SCUBE1: variants seen among roughly 807,000 people sequenced by gnomAD.
SCUBE1 encodes signal peptide, CUB domain and EGF like domain containing 1, also known as signal peptide, CUB and EGF-like domain-containing protein 1.
SCUBE1 carries 59 observed loss-of-function variants against 124.4 expected under a neutral mutation model. The ratio of observed to expected loss-of-function variants is 0.47; its 90% CI spans 0.38 to 0.59. The LOEUF (loss-of-function observed/expected upper bound fraction) is 0.59, where lower values mean the gene tolerates loss of function less well. Ranked by LOEUF, SCUBE1 falls within the 20% of genes least tolerant of loss-of-function variation. The probability of loss-of-function intolerance (pLI) is 0.00; values close to 1 mark genes in which losing one functional copy is unlikely to be tolerated. For missense variants in SCUBE1, 1,150 were observed against 1,371.2 expected, an observed-to-expected ratio of 0.84 and a Z score of 2.55; for synonymous variants, 545 against 550.9, an observed-to-expected ratio of 0.99 and a Z score of 0.15.
At chr22:43,335,270 G>C (rs1431189083) in intron 2 of SCUBE1, among the ~76,000 whole-genome samples, 6 of 152,184 alleles carry the variant, frequency 3.9e-5, no homozygotes, top group Non-Finnish European at 7.3e-5. Flanking sequence ...GGGATCTGAT[G>C]GTTCTCCGTG....
chr22:43,336,737 T>C (rs1365412629), intron 2 of SCUBE1, among the ~76,000 whole-genome samples: 1 of 152,146 alleles, frequency 6.6e-6, no homozygotes, highest in Admixed American at 6.5e-5. Context: ...CCCATTGCAG[T>C]CTAGCATGCA....
At chr22:43,268,234 A>C (rs920703680) in intron 4 of SCUBE1, among the ~76,000 whole-genome samples, 1 of 152,142 alleles carries the variant, frequency 6.6e-6, no homozygotes, top group Non-Finnish European at 1.5e-5. Context: ...CCCAGTTCAA[A>C]CTCCGTCCTC....
Position 43,199,133 on chromosome 22 carries a change from C to T in SCUBE1, c.*4864G>A. 2 of 255,206 alleles carry T rather than the reference C, an allele frequency of 7.8e-6. No individual in the cohort carries two copies. Among genetic ancestry groups the T allele is most frequent in the South Asian group, 8.8e-5 (2 of 22,848 alleles). The allele number at this position is 255,206 out of a possible 1,614,324, so 15.8% of individuals were successfully genotyped here. A position where few individuals can be genotyped will look rare whatever the true frequency, so the allele number is the denominator to read the frequency against. Reference sequence around the variant, plus strand: ...GTTTGTCATCTGTGCAGGGCACCAACTCCCTGTCTTTCTAGGAGCCTGGCA... The same window carrying T: ...GTTTGTCATCTGTGCAGGGCACCAATTCCCTGTCTTTCTAGGAGCCTGGCA... On this transcript the variant is annotated 3_prime_UTR_variant, in exon 22 of 22. Transcript: ENST00000360835.
At chr22:43,308,498 G>A (rs898592965) in intron 3 of SCUBE1, among the ~76,000 whole-genome samples, 1 of 152,176 alleles carries the variant, frequency 6.6e-6, no homozygotes, top group African/African-American at 2.4e-5. Context: ...ATGTATTTGA[G>A]CTGTTGAAGT....
chr22:43,214,003 G>T, intron 16 of SCUBE1, 87 bp downstream of exon 16: 1 of 1,284,782 alleles, frequency 7.8e-7, no homozygotes. Flanking sequence ...CCAGGCACCT[G>T]GGCCTTCGAC....
At position 43,204,031 on chromosome 22, in the gene SCUBE1, G is replaced by C. The variant is rs1445800577; in HGVS notation, c.2933C>G (p.Ser978Cys). ...GGGCCGCAGGAACCGAGACACTTTG[G>C]AGCGCAGCAGTTTGATGAAGGACCG... is the stretch of plus-strand genomic sequence containing the variant. ...FPRSFIKLLR[S>C]KVSRFLRPYK The change falls in exon 22 of 22, where the codon TCC becomes TGC. Residue 978 changes from serine to cysteine, a missense_variant. By Grantham distance (112) the Ser-to-Cys change is moderately radical. Transcript: ENST00000360835. 6.2e-7 allele frequency: 1 copy of C among 1,614,084 alleles called. No individual in the cohort carries two copies. The highest frequency in any genetic ancestry group is 1.3e-5 in the African/African-American group (1 of 74,946).
intron 3 of SCUBE1, among the ~76,000 whole-genome samples, chr22:43,300,943 C>T (rs1485739972): frequency 6.6e-6 from 1 of 152,196 alleles, no homozygotes. Context: ...GCGTGACAGA[C>T]TTCATGGGCC....
intron 7 of SCUBE1, among the ~76,000 whole-genome samples, chr22:43,237,163 T>C (rs1922802578): frequency 6.6e-6 from 1 of 152,128 alleles, no homozygotes; most frequent in African/African-American, 2.4e-5. Context: ...AGCGCCACCC[T>C]ACCCTCAGAG....
Position 43,238,480 on chromosome 22 carries a change from G to A in SCUBE1, c.844+358C>T, listed in dbSNP as rs1035851627. ...TTCGGAAACGCGCTACATTCTACGC[G>A]CCTTGGGAAGCCACACTATCACTGA... On this transcript the variant is annotated intron_variant, in intron 7 of 21. Coordinates refer to ENST00000360835, the MANE Select transcript of SCUBE1 (RefSeq NM_173050.5). 3.0e-5 allele frequency: 17 copies of A among 570,634 alleles called. No individual in the cohort carries two copies. The Middle Eastern group carries it at 1.8e-3, about 61-fold the overall frequency. The allele number at this position is 570,634 out of a possible 1,614,324, so 35.3% of individuals were successfully genotyped here. A position where few individuals can be genotyped will look rare whatever the true frequency, so the allele number is the denominator to read the frequency against.
chr22:43,255,695 C>T lies in SCUBE1; in HGVS notation c.727+2524G>A. ...CGCAAAGCCAACACAACACGCCGGC[C>T]AGCTCGGCATCCTCGCCAAGGGGCT... On this transcript the variant is annotated intron_variant, in intron 6 of 21. Transcript: ENST00000360835. This position sits in a 1 kb window ranked among gnomAD's most constrained non-coding sequence, Gnocchi z 4.7. 1 of 844,888 alleles carries T rather than the reference C, an allele frequency of 1.2e-6. No individual in the cohort carries two copies. Among genetic ancestry groups the T allele is most frequent in the Non-Finnish European group, 1.9e-6 (1 of 524,016 alleles). 52.3% of individuals were successfully genotyped at this position (844,888 alleles called of 1,614,324 possible). A position where few individuals can be genotyped will look rare whatever the true frequency, so the allele number is the denominator to read the frequency against.
intron 4 of SCUBE1, among the ~76,000 whole-genome samples, chr22:43,281,456 C>CCCTCTTTGGCCACCCTCCTGTCACCTCCT (rs1555886003): frequency 8.7e-5 from 5 of 57,260 alleles, no homozygotes; most frequent in African/African-American, 6.0e-4. Context: ...CCTGTCATCT[C>CCCTCTTTGGCCACCCTCCTGTCACCTCCT]CCTCAGCCAC....
At chr22:43,222,388 A>C (rs540551267) in intron 12 of SCUBE1, among the ~76,000 whole-genome samples, 4 of 151,948 alleles carry the variant, frequency 2.6e-5, no homozygotes, top group Non-Finnish European at 5.9e-5. Context: ...TCCCTGAACC[A>C]CTCTGGCTGT....
chr22:43,255,927 AG>A lies in SCUBE1; in HGVS notation c.727+2291del, dbSNP rs916871054. On this transcript the variant is annotated intron_variant, in intron 6 of 21. Coordinates refer to ENST00000360835, the MANE Select transcript of SCUBE1 (RefSeq NM_173050.5). The surrounding 1 kb of genome is among the most constrained non-coding windows in gnomAD (Gnocchi z 4.7). The stretch of plus-strand genomic sequence containing the variant: ...TCCGCAGAGAGCCACAGAAGCAGAA[AG>A]CACCACCATGGTGCTTTACGGAGAC... Among the ~76,000 whole-genome samples the A allele has an allele frequency of 2.0e-5, 3 of 152,180 alleles. No homozygotes were observed. Among genetic ancestry groups the A allele is most frequent in the African/African-American group, 7.2e-5 (3 of 41,444 alleles).
intron 6 of SCUBE1, among the ~76,000 whole-genome samples, chr22:43,246,457 A>T (rs1923215884): frequency 2.0e-5 from 3 of 152,136 alleles, no homozygotes; most frequent in Admixed American, 2.0e-4. Context: ...AGGCTTGGGG[A>T]TCTGATCAAC....
At chr22:43,287,070 C>T (rs1925175074) in intron 4 of SCUBE1, among the ~76,000 whole-genome samples, 1 of 152,076 alleles carries the variant, frequency 6.6e-6, no homozygotes, top group South Asian at 2.1e-4. Context: ...GCCCCTGGGG[C>T]TGTGGCCAGA....
chr22:43,319,558 CAAAAAAAAAA>C (rs35230785), intron 3 of SCUBE1, among the ~76,000 whole-genome samples: 1 of 55,214 alleles, frequency 1.8e-5, no homozygotes, highest in Non-Finnish European at 3.1e-5. Flanking sequence ...GACTCCATCT[CAAAAAAAAAA>C]AAAAAAAAAA....
At chr22:43,243,132 A>G (rs998409) in intron 6 of SCUBE1, among the ~76,000 whole-genome samples, 22,867 of 152,286 alleles carry the variant, frequency 0.15, 2,101 homozygotes, top group Admixed American at 0.24. Context: ...GGCCGTGTTC[A>G]GGTCACACAG....
At chr22:43,243,475 G>A (rs1269564029) in intron 6 of SCUBE1, among the ~76,000 whole-genome samples, 1 of 152,258 alleles carries the variant, frequency 6.6e-6, no homozygotes, top group African/African-American at 2.4e-5. Context: ...GCGCTCCACT[G>A]GACCCTGCAT....
intron 6 of SCUBE1, among the ~76,000 whole-genome samples, chr22:43,244,179 C>T (rs1367008414): frequency 3.3e-5 from 5 of 152,190 alleles, no homozygotes; most frequent in African/African-American, 1.2e-4. Flanking sequence ...CATGCCCCGC[C>T]ACACCCCAGC....
Sources: gnomAD v4.1 joint callset for allele counts (sites outside exome capture counted in the v4.1 genomes callset) on GRCh38, gnomAD v4.1.1 for gene constraint, Gnocchi (gnomAD v3.1) non-coding constraint, MANE v1.5 for transcripts, NCBI Gene and HGNC (gene_info 2026-07-23, HGNC 2026-07-21) for gene names.